Variants in TAFA2 observed in about 807,000 individuals in gnomAD.
The protein encoded by TAFA2 is TAFA chemokine like family member 2.
A neutral mutation model predicts 18.8 loss-of-function variants in TAFA2; 7 were observed. The observed-to-expected ratio is 0.37, with a 90% CI of 0.21 to 0.70. The LOEUF is 0.70. TAFA2 is among the 30% of genes least tolerant of loss of function. TAFA2 has a pLI of 0.53. For synonymous variants in TAFA2, 60 were observed against 54.2 expected (o/e 1.11, Z -0.47); for missense variants, 122 against 158.1 (o/e 0.77, Z 1.23).
At chr12:62,194,570 T>C (rs1250679939), upstream of TAFA2, among the ~76,000 whole-genome samples, 2 of 152,252 alleles carry the variant, frequency 1.3e-5, no homozygotes, top group Middle Eastern at 3.2e-3. Flanking sequence ...CAATGTCATA[T>C]GATGCTGAAA....
intron 1 of TAFA2, among the ~76,000 whole-genome samples, chr12:62,236,744 A>G (rs1305631032): frequency 1.3e-5 from 2 of 152,210 alleles, no homozygotes; most frequent in Admixed American, 1.3e-4. Flanking sequence ...TTCTTGTTGG[A>G]TAATTTTTTC....
chr12:62,204,175 T>C (rs1273845699), intron 1 of TAFA2, among the ~76,000 whole-genome samples: 1 of 152,140 alleles, frequency 6.6e-6, no homozygotes, highest in Non-Finnish European at 1.5e-5. Context: ...CCCAATCTCT[T>C]CTGGCTTGTT....
intron 1 of TAFA2, among the ~76,000 whole-genome samples, chr12:62,232,657 A>G (rs1470522963): frequency 6.6e-6 from 1 of 152,066 alleles, no homozygotes; most frequent in Non-Finnish European, 1.5e-5. Context: ...GATTACAGGC[A>G]CCCACCATCA....
At chr12:62,151,524 T>C (rs1222212124) in intron 1 of TAFA2, among the ~76,000 whole-genome samples, 1 of 152,210 alleles carries the variant, frequency 6.6e-6, no homozygotes, top group East Asian at 1.9e-4. Flanking sequence ...CTGATGTTTG[T>C]GTAGTTATTT....
intron 1 of TAFA2, among the ~76,000 whole-genome samples, chr12:62,219,943 T>C (rs1434474143): frequency 1.3e-5 from 2 of 152,128 alleles, no homozygotes; most frequent in African/African-American, 2.4e-5. Flanking sequence ...GAATATAAGA[T>C]GAAAACTGAA....
rs1324755778 is a variant in TAFA2, at chr12:61,845,756, CA to C, written c.106+21563del. Among the ~76,000 whole-genome samples the C allele has an allele frequency of 3.3e-5, 5 of 152,168 alleles. No homozygotes were observed. The East Asian group carries it at 7.7e-4, about 24-fold the overall frequency. On this transcript the variant is annotated intron_variant, in intron 2 of 4. Transcript: ENST00000416284. ...TCCCCAATGTGTCTAGAGGCATAAG[CA>C]ATTATTTGATAACTCCAAAGTCTAA...
intron 1 of TAFA2, among the ~76,000 whole-genome samples, chr12:62,062,844 C>A (rs1263659987): frequency 6.6e-6 from 1 of 152,102 alleles, no homozygotes; most frequent in Admixed American, 6.5e-5. Flanking sequence ...AAGGTAAAGG[C>A]CTTTCCCAGC....
intron 1 of TAFA2, among the ~76,000 whole-genome samples, chr12:62,175,373 G>T (rs1165962470): frequency 6.6e-6 from 1 of 151,144 alleles, no homozygotes; most frequent in Non-Finnish European, 1.5e-5. Flanking sequence ...TGAACCTTTT[G>T]TATCTACACA....
intron 4 of TAFA2, chr12:61,720,783 C>A (rs1043878704): frequency 1.4e-5 from 6 of 421,548 alleles, no homozygotes; most frequent in South Asian, 1.8e-5. Flanking sequence ...ATCCGACCAA[C>A]ACTAGGATTC....
At chr12:61,991,962 C>T (rs988590554) in intron 1 of TAFA2, among the ~76,000 whole-genome samples, 4 of 152,132 alleles carry the variant, frequency 2.6e-5, no homozygotes, top group Admixed American at 2.6e-4. Context: ...GTTCTTCTCC[C>T]GTATCACTTT....
chr12:61,931,230 C>T (rs1877541124), intron 1 of TAFA2, among the ~76,000 whole-genome samples: 1 of 152,088 alleles, frequency 6.6e-6, no homozygotes, highest in African/African-American at 2.4e-5. Context: ...TGTTATCTTT[C>T]AGCACTCATA....
chr12:62,107,063 ATTG>A (rs1168551624), intron 1 of TAFA2, among the ~76,000 whole-genome samples: 3 of 152,178 alleles, frequency 2.0e-5, no homozygotes, highest in Non-Finnish European at 4.4e-5. Flanking sequence ...ATTTTCTTAT[ATTG>A]TTAAGATTCA....
At chr12:61,776,458 G>A (rs1477459600) in intron 2 of TAFA2, 5 of 152,884 alleles carry the variant, frequency 3.3e-5, no homozygotes, top group African/African-American at 1.2e-4. Context: ...CGAACATAAA[G>A]TGATTAAGAG....
intron 1 of TAFA2, among the ~76,000 whole-genome samples, chr12:62,119,811 C>A (rs918199346): frequency 6.6e-6 from 1 of 152,126 alleles, no homozygotes; most frequent in Non-Finnish European, 1.5e-5. Flanking sequence ...CGGTGGCTCA[C>A]ACCTATAATC....
chr12:62,128,003 T>C (rs893627199), intron 1 of TAFA2, among the ~76,000 whole-genome samples: 1 of 151,800 alleles, frequency 6.6e-6, no homozygotes, highest in East Asian at 1.9e-4. Context: ...AAGAAATCCA[T>C]GGGAGGCACA....
rs550258475 is a variant in TAFA2 at position 62,099,761 on chromosome 12, C to T, written c.-2+91498G>A. 4.6e-5 allele frequency among the ~76,000 whole-genome samples: 7 copies of T among 152,168 alleles called. No individual in the cohort carries two copies. The South Asian group carries it at 1.2e-3, about 27-fold the overall frequency. On this transcript the variant is annotated intron_variant, in intron 1 of 4. Coordinates refer to ENST00000416284, the MANE Select transcript of TAFA2 (RefSeq NM_178539.5). ...TGATGTCATCCCAGCCCCGTGGCACCCCTGCATGGTGGGAAGTATCCCCTT... is the reference window on the plus strand; with the variant it reads ...TGATGTCATCCCAGCCCCGTGGCACTCCTGCATGGTGGGAAGTATCCCCTT...
intron 2 of TAFA2, among the ~76,000 whole-genome samples, chr12:61,830,201 G>GTATGTA (rs745677997): frequency 3.3e-5 from 5 of 149,880 alleles, no homozygotes; most frequent in Admixed American, 6.7e-5. Flanking sequence ...TATGTATATG[G>GTATGTA]TATGTATATG....
At chr12:61,837,451 G>T (rs1224657655) in intron 2 of TAFA2, among the ~76,000 whole-genome samples, 1 of 151,942 alleles carries the variant, frequency 6.6e-6, no homozygotes, top group Non-Finnish European at 1.5e-5. Flanking sequence ...CTTATTGGCA[G>T]TATTTACATA....
intron 1 of TAFA2, among the ~76,000 whole-genome samples, chr12:61,967,013 T>A (rs78579592): frequency 0.068 from 10,341 of 151,968 alleles, 462 homozygotes; most frequent in Non-Finnish European, 0.1. Flanking sequence ...AATATCCATG[T>A]TGACCTGGAG....
Sources: gnomAD v4.1 joint callset for allele counts (sites outside exome capture counted in the v4.1 genomes callset) on GRCh38, gnomAD v4.1.1 for gene constraint, MANE v1.5 for transcripts, NCBI Gene and HGNC (gene_info 2026-07-23, HGNC 2026-07-21) for gene names.